FAM83B: variants seen among roughly 807,000 people sequenced by gnomAD.
FAM83B encodes the protein scaffolding CK1 anchoring protein B.
Under a neutral mutation model 38.8 loss-of-function variants are expected in FAM83B, and 26 were observed. The ratio of observed to expected loss-of-function variants is 0.67; its 90% CI spans 0.49 to 0.93. FAM83B has a LOEUF of 0.93. Among genes scored for constraint, FAM83B ranks in the 40% least tolerant of loss-of-function variants. The pLI, the probability that FAM83B is intolerant of heterozygous loss-of-function variation, is 0.00. For synonymous variants in FAM83B, 419 were observed against 423.1 expected, an observed-to-expected ratio of 0.99 and a Z score of 0.12; for missense variants, 1,237 against 1,197.3, an observed-to-expected ratio of 1.03 and a Z score of -0.49.
rs1244281739 is a variant in FAM83B, at chr6:54,846,817, C to CT, written c.-68dup. 1 of 151,990 alleles carries CT rather than the reference C, an allele frequency of 6.6e-6. No individual in the cohort carries two copies. Among genetic ancestry groups the CT allele is most frequent in the Non-Finnish European group, 1.5e-5 (1 of 68,130 alleles). 9.4% of individuals were successfully genotyped at this position (151,990 alleles called of 1,614,324 possible). A position where few individuals can be genotyped will look rare whatever the true frequency, so the allele number is the denominator to read the frequency against. The stretch of plus-strand genomic sequence containing the variant: ...GTGCGGCGGGCGCGGTTGCGCGCGG[C>CT]TTGGGGCAAGTAAGTGGGGTTTGGG... On this transcript the variant is annotated 5_prime_UTR_variant, in exon 1 of 5. Coordinates refer to ENST00000306858, the MANE Select transcript of FAM83B (RefSeq NM_001010872.3).
intron 2 of FAM83B, among the ~76,000 whole-genome samples, chr6:54,900,711 C>T (rs78670888): frequency 6.6e-6 from 1 of 152,002 alleles, no homozygotes; most frequent in Non-Finnish European, 1.5e-5. Context: ...CAGTGCTTGA[C>T]CTAGGAGGGC....
At chr6:54,926,809 T>C (rs902775801) in intron 3 of FAM83B, among the ~76,000 whole-genome samples, 9 of 152,108 alleles carry the variant, frequency 5.9e-5, no homozygotes, top group Non-Finnish European at 1.2e-4. Context: ...CTCAGCTCAC[T>C]GCTACCTCCG....
chr6:54,938,165 C>T lies in FAM83B; in HGVS notation c.735-1541C>T, dbSNP rs182368298. 4.7e-4 allele frequency among the ~76,000 whole-genome samples: 72 copies of T among 152,250 alleles called. No individual in the cohort carries two copies. In the East Asian group the frequency reaches 0.013, roughly 28 times the overall value. On this transcript the variant is annotated intron_variant, in intron 4 of 4. Coordinates refer to ENST00000306858, the MANE Select transcript of FAM83B (RefSeq NM_001010872.3). ...GTTACTTCACTTAGAATAATGGTCT[C>T]CAGTTCCATCCAGGTTGTTGCAAAT...
intron 2 of FAM83B, 83 bp from the exon 3 acceptor site, chr6:54,926,288 C>A: frequency 1.2e-6 from 1 of 815,156 alleles, no homozygotes; most frequent in African/African-American, 1.7e-5. Flanking sequence ...AAAATTTTAT[C>A]TGACCTTTAC....
intron 4 of FAM83B, among the ~76,000 whole-genome samples, chr6:54,930,940 A>G (rs1040521776): frequency 3.0e-4 from 46 of 152,250 alleles, no homozygotes; most frequent in African/African-American, 1.0e-3. Flanking sequence ...ATTTACACCT[A>G]TAAACGTCCC....
chr6:54,855,038 C>T (rs1316865029), intron 1 of FAM83B, among the ~76,000 whole-genome samples: 1 of 152,120 alleles, frequency 6.6e-6, no homozygotes, highest in Non-Finnish European at 1.5e-5. Context: ...TTATAAACAT[C>T]CTGTCACTAA....
At position 54,927,499 on chromosome 6, in the gene FAM83B, T is replaced by G. The variant is rs1157057802; in HGVS notation, c.610-9T>G. 6.4e-7 allele frequency: 1 copy of G among 1,574,138 alleles called. No individual in the cohort carries two copies. Among genetic ancestry groups the G allele is most frequent in the Non-Finnish European group, 8.6e-7 (1 of 1,157,214 alleles). The stretch of plus-strand genomic sequence containing the variant: ...ATAATGTCTGCTTTTTATTTACATA[T>G]AATTCTAGAATATTCGAGTGCGAAC... On this transcript the variant is annotated splice_polypyrimidine_tract_variant and intron_variant, in intron 3 of 4. Coordinates refer to ENST00000306858, the MANE Select transcript of FAM83B (RefSeq NM_001010872.3).
Position 54,941,931 on chromosome 6 carries a change from G to T in FAM83B, c.2960G>T (p.Arg987Leu), listed in dbSNP as rs759117235. The change falls in exon 5 of 5, where the codon CGC becomes CTC. Residue 987 changes from arginine (R) to leucine (L), a missense_variant. By Grantham distance (102) the Arg-to-Leu change is moderately radical (BLOSUM62 -2). Coordinates refer to ENST00000306858, the MANE Select transcript of FAM83B (RefSeq NM_001010872.3). Reference sequence around the variant, plus strand: ...CTTAATTACAACACTGGTGTTTATCGCTCATATCAACCCAATGAGAACAAG... The same window carrying T: ...CTTAATTACAACACTGGTGTTTATCTCTCATATCAACCCAATGAGAACAAG... ...PLLNYNTGVYRSYQPNENKFR... is the reference protein window; with the variant it reads ...PLLNYNTGVYLSYQPNENKFR... 9.3e-6 allele frequency: 15 copies of T among 1,613,714 alleles called. No homozygotes were observed. Among genetic ancestry groups the T allele is most frequent in the Non-Finnish European group, 1.2e-5 (14 of 1,179,924 alleles).
intron 2 of FAM83B, among the ~76,000 whole-genome samples, chr6:54,920,761 A>G (rs1773149201): frequency 1.3e-5 from 2 of 151,956 alleles, no homozygotes. Context: ...AATAAAAATC[A>G]TACAGAAGGC....
At chr6:54,857,340 C>T (rs1016202783) in intron 1 of FAM83B, among the ~76,000 whole-genome samples, 1 of 152,174 alleles carries the variant, frequency 6.6e-6, no homozygotes, top group African/African-American at 2.4e-5. Flanking sequence ...TTCAGCATTT[C>T]ACTCCATGGG....
intron 1 of FAM83B, among the ~76,000 whole-genome samples, chr6:54,862,256 C>T (rs983274236): frequency 6.6e-6 from 1 of 152,144 alleles, no homozygotes; most frequent in Admixed American, 6.5e-5. Context: ...TTTTGAGAGG[C>T]TATAGATCTA....
intron 1 of FAM83B, 126 bp from the exon 2 acceptor site, chr6:54,870,059 AAT>A (rs1186621005): frequency 1.8e-6 from 1 of 555,426 alleles, no homozygotes; most frequent in Non-Finnish European, 3.2e-6. Context: ...TTGGATATGA[AAT>A]ATGTGTCATT....
chr6:54,879,927 C>A (rs1393841289), intron 2 of FAM83B, among the ~76,000 whole-genome samples: 1 of 152,164 alleles, frequency 6.6e-6, no homozygotes, highest in Non-Finnish European at 1.5e-5. Flanking sequence ...TCTTCAATTT[C>A]CTACTAGAAT....
intron 2 of FAM83B, among the ~76,000 whole-genome samples, chr6:54,883,368 C>G (rs1444268966): frequency 9.3e-6 from 1 of 107,074 alleles, no homozygotes; most frequent in Non-Finnish European, 1.8e-5. Flanking sequence ...GAGTTTCACT[C>G]TTGTTGCCCA....
rs550129163 is a variant in FAM83B, at chr6:54,901,264, T to C, written c.445-25107T>C. 4.6e-5 allele frequency among the ~76,000 whole-genome samples: 7 copies of C among 152,302 alleles called. 1 individual carries two copies. In the East Asian group the frequency reaches 1.4e-3, roughly 29 times the overall value. On this transcript the variant is annotated intron_variant, in intron 2 of 4. Coordinates refer to ENST00000306858, the MANE Select transcript of FAM83B (RefSeq NM_001010872.3). ...TACCATGTGTTCTTAGACTGTAAAC[T>C]CCAGTGGGACAGGGGAATTTGGTAA...
intron 2 of FAM83B, among the ~76,000 whole-genome samples, chr6:54,904,076 G>A (rs560354995): frequency 2.3e-4 from 35 of 150,842 alleles, no homozygotes; most frequent in African/African-American, 8.3e-4. Context: ...CTTATTTTAA[G>A]GCTCCTCAGA....
chr6:54,847,703 G>C (rs1771174206), intron 1 of FAM83B, among the ~76,000 whole-genome samples: 2 of 152,178 alleles, frequency 1.3e-5, no homozygotes, highest in South Asian at 4.1e-4. Flanking sequence ...GGTATGTAAA[G>C]AGACAACAGC....
chr6:54,854,545 G>C (rs1771395148), intron 1 of FAM83B, among the ~76,000 whole-genome samples: 1 of 152,176 alleles, frequency 6.6e-6, no homozygotes, highest in Non-Finnish European at 1.5e-5. Context: ...TCAGATGATA[G>C]TTAGCATTTC....
At chr6:54,855,021 A>G (rs185979216) in intron 1 of FAM83B, among the ~76,000 whole-genome samples, 2 of 152,312 alleles carry the variant, frequency 1.3e-5, no homozygotes, top group African/African-American at 4.8e-5. Flanking sequence ...CTTTAATTGT[A>G]TCCAAATTAT....
Sources: gnomAD v4.1 joint callset for allele counts (sites outside exome capture counted in the v4.1 genomes callset) on GRCh38, gnomAD v4.1.1 for gene constraint, MANE v1.5 for transcripts, NCBI Gene and HGNC (gene_info 2026-07-23, HGNC 2026-07-21) for gene names.